The following COLGALT2 variants were observed in gnomAD, a reference collection of about 807,000 sequenced individuals.
The protein encoded by COLGALT2 is collagen beta(1-O)galactosyltransferase 2.
A neutral mutation model predicts 73.4 loss-of-function variants in COLGALT2; 49 were observed. That is an observed-to-expected ratio of 0.67 (90% CI 0.53 to 0.85). The LOEUF (loss-of-function observed/expected upper bound fraction) is 0.85, where lower values mean the gene tolerates loss of function less well. Among genes scored for constraint, COLGALT2 ranks in the 40% least tolerant of loss-of-function variants. The pLI is 0.00. For synonymous variants in COLGALT2, 295 were observed against 307.6 expected (o/e 0.96, Z 0.43); for missense variants, 722 against 790.2 (o/e 0.91, Z 1.03).
At position 183,951,057 on chromosome 1, in the gene COLGALT2, T is replaced by G. The variant is rs16861794; in HGVS notation, c.1086A>C (p.Thr362=). The G allele has an allele frequency of 0.031, 49,469 of 1,613,784 alleles. 934 individuals carry two copies. The highest frequency in any genetic ancestry group is 0.071 in the East Asian group (3,196 of 44,878). ...RKDRRDRMLR[T]LYEQEIEVKI... ...TGACCTCAATCTCCTGTTCATACAG[T>G]GTGCGCAGCATCCGGTCCCGCCTGT... Residue 362 remains threonine (T), a synonymous_variant, in exon 8 of 12, where the codon ACA becomes ACC. Transcript: ENST00000361927.
intron 1 of COLGALT2, among the ~76,000 whole-genome samples, chr1:184,034,539 A>AC (rs1553214005): frequency 2.0e-5 from 3 of 150,848 alleles, no homozygotes; most frequent in Non-Finnish European, 4.4e-5. Flanking sequence ...CTGTAAAAAA[A>AC]CACACATATC....
chr1:184,013,653 C>G (rs1412463938), intron 1 of COLGALT2, among the ~76,000 whole-genome samples: 1 of 151,740 alleles, frequency 6.6e-6, no homozygotes, highest in Non-Finnish European at 1.5e-5. Flanking sequence ...ATTTTACCCT[C>G]AAAGGTCTTT....
intron 6 of COLGALT2, among the ~76,000 whole-genome samples, chr1:183,959,893 C>A (rs907579165): frequency 2.0e-5 from 3 of 152,168 alleles, no homozygotes; most frequent in Admixed American, 6.5e-5. Context: ...CCCTGGAACA[C>A]CCCCAAGCTT....
chr1:184,032,531 G>A (rs568837526), intron 1 of COLGALT2, among the ~76,000 whole-genome samples: 3 of 152,284 alleles, frequency 2.0e-5, no homozygotes, highest in African/African-American at 7.2e-5. Context: ...CTGACCCTAA[G>A]CTTGTATATT....
chr1:183,977,812 A>AGAGAGAGAGAG (rs1553317022), intron 2 of COLGALT2, among the ~76,000 whole-genome samples: 2 of 52,316 alleles, frequency 3.8e-5, no homozygotes, highest in African/African-American at 7.7e-5. Context: ...GAAAGAGAGA[A>AGAGAGAGAGAG]AGAGAGAGAG....
At position 183,997,064 on chromosome 1, in the gene COLGALT2, A is replaced by G. The variant is rs540998991; in HGVS notation, c.264-18544T>C. Among the ~76,000 whole-genome samples the G allele has an allele frequency of 3.2e-4, 48 of 152,338 alleles. 1 individual carries two copies. Among genetic ancestry groups the G allele is most frequent in the African/African-American group, 1.1e-3 (45 of 41,570 alleles). Reference sequence around the variant, plus strand: ...AGGGGCAGGCAGTGTAAAAAGCTCTATAGAACAAGAGGCTTAAGGTCTGGC... The same window carrying G: ...AGGGGCAGGCAGTGTAAAAAGCTCTGTAGAACAAGAGGCTTAAGGTCTGGC... On this transcript the variant is annotated intron_variant, in intron 1 of 11. Coordinates refer to ENST00000361927, the MANE Select transcript of COLGALT2 (RefSeq NM_015101.4).
chr1:183,995,385 C>T (rs533115725), intron 1 of COLGALT2, among the ~76,000 whole-genome samples: 2 of 152,278 alleles, frequency 1.3e-5, no homozygotes, highest in South Asian at 2.1e-4. Flanking sequence ...CATAGATGAA[C>T]AAAAATCTTA....
rs1558309858 is a variant in COLGALT2, at chr1:183,945,544, A to T, written c.1157T>A (p.Leu386Gln). ...CAGCATTTCAATATTCAGTGCCTTC[A>T]GCTGGCTTGTGTTGAGTGCCCTGCA... ...VDGKALNTSQ[L>Q]KALNIEMLPG... Residue 386 changes from leucine (L) to glutamine (Q), a missense_variant, in exon 9 of 12, where the codon CTG becomes CAG. By Grantham distance (113) the Leu-to-Gln change is moderately radical. Transcript: ENST00000361927. 6.2e-7 allele frequency: 1 copy of T among 1,614,216 alleles called. No individual in the cohort carries two copies. The highest frequency in any genetic ancestry group is 2.2e-5 in the East Asian group (1 of 44,886).
intron 1 of COLGALT2, among the ~76,000 whole-genome samples, chr1:184,036,352 T>C (rs911896080): frequency 6.6e-6 from 1 of 152,178 alleles, no homozygotes; most frequent in African/African-American, 2.4e-5. Flanking sequence ...TCCAAGCTTC[T>C]TTCCTCCGGG....
intron 1 of COLGALT2, among the ~76,000 whole-genome samples, chr1:184,005,340 G>A (rs1233929216): frequency 3.3e-5 from 5 of 152,192 alleles, no homozygotes; most frequent in African/African-American, 4.8e-5. Flanking sequence ...GTCACTTCAT[G>A]TGAACTGGTT....
intron 6 of COLGALT2, among the ~76,000 whole-genome samples, chr1:183,961,244 T>C (rs1670691163): frequency 6.6e-6 from 1 of 152,174 alleles, no homozygotes; most frequent in Non-Finnish European, 1.5e-5. Context: ...AAGCTATAAT[T>C]TACAGGTTCT....
rs147916911 is a variant in COLGALT2 at position 183,990,790 on chromosome 1, C to A, written c.264-12270G>T. 3.3e-3 allele frequency among the ~76,000 whole-genome samples: 507 copies of A among 152,258 alleles called. 9 individuals carry two copies. The South Asian group carries it at 0.04, about 12-fold the overall frequency. ...GGCTAGGACTTACAAGCCAAGAGGGCGAGATGGCTGTAAGGTGTTAGGGCT... is the reference window on the plus strand; with the variant it reads ...GGCTAGGACTTACAAGCCAAGAGGGAGAGATGGCTGTAAGGTGTTAGGGCT... On this transcript the variant is annotated intron_variant, in intron 1 of 11. Coordinates refer to ENST00000361927, the MANE Select transcript of COLGALT2 (RefSeq NM_015101.4).
At chr1:183,952,002 G>A (rs180916098) in intron 7 of COLGALT2, among the ~76,000 whole-genome samples, 3 of 152,236 alleles carry the variant, frequency 2.0e-5, no homozygotes, top group Admixed American at 6.5e-5. Flanking sequence ...TAGACAACAC[G>A]TAGACCATGG....
chr1:184,012,889 T>A (rs964430943), intron 1 of COLGALT2, among the ~76,000 whole-genome samples: 5 of 152,234 alleles, frequency 3.3e-5, no homozygotes, highest in African/African-American at 1.2e-4. Context: ...TCCCAAATAT[T>A]TACCGAGCAG....
intron 1 of COLGALT2, among the ~76,000 whole-genome samples, chr1:184,036,608 A>C (rs898189786): frequency 6.6e-6 from 1 of 152,052 alleles, no homozygotes; most frequent in Non-Finnish European, 1.5e-5. Flanking sequence ...AGAGCAGCGC[A>C]CTGCGGCGCC....
rs559223501 is a variant in COLGALT2 at position 184,004,001 on chromosome 1, C to G, written c.264-25481G>C. ...TATAGTATGTCAACATGATACAAACCTTATCAGTATTTTTTTCACAACAAA... is the reference window on the plus strand; with the variant it reads ...TATAGTATGTCAACATGATACAAACGTTATCAGTATTTTTTTCACAACAAA... On this transcript the variant is annotated intron_variant, in intron 1 of 11. Coordinates refer to ENST00000361927, the MANE Select transcript of COLGALT2 (RefSeq NM_015101.4). Among the ~76,000 whole-genome samples the G allele has an allele frequency of 2.4e-4, 37 of 152,210 alleles. 1 individual carries two copies. The highest frequency in any genetic ancestry group is 8.9e-4 in the African/African-American group (37 of 41,536).
At chr1:184,000,321 T>C (rs1175399143) in intron 1 of COLGALT2, among the ~76,000 whole-genome samples, 1 of 152,108 alleles carries the variant, frequency 6.6e-6, no homozygotes, top group Non-Finnish European at 1.5e-5. Context: ...CTTAACTTAT[T>C]GATTGATTGA....
intron 1 of COLGALT2, among the ~76,000 whole-genome samples, chr1:184,013,946 T>C (rs1648906832): frequency 6.6e-6 from 1 of 152,154 alleles, no homozygotes; most frequent in Non-Finnish European, 1.5e-5. Flanking sequence ...GGCAAATGCT[T>C]GCATGGCGGT....
In COLGALT2 at chr1:184,023,649, G is replaced by T. The variant is rs565834848; in HGVS notation, c.263+13446C>A. Among the ~76,000 whole-genome samples, 59 of 152,046 alleles carry T rather than the reference G, an allele frequency of 3.9e-4. No individual in the cohort carries two copies. The South Asian group carries it at 5.0e-3, about 13-fold the overall frequency. ...TTTCCAAAAGTGCGTGAGGTGGGGG[G>T]GGGGGGCGGTGCCGGAAGCATTCTA... On this transcript the variant is annotated intron_variant, in intron 1 of 11. Transcript: ENST00000361927.
Sources: gnomAD v4.1 joint callset for allele counts (sites outside exome capture counted in the v4.1 genomes callset) on GRCh38, gnomAD v4.1.1 for gene constraint, MANE v1.5 for transcripts, NCBI Gene and HGNC (gene_info 2026-07-23, HGNC 2026-07-21) for gene names.